GATAD2A: variants seen among roughly 807,000 people sequenced by gnomAD.
GATAD2A encodes the protein transcriptional repressor p66-alpha.
In GATAD2A, 12 loss-of-function variants were observed where a neutral mutation model predicts 68.5. The ratio of observed to expected loss-of-function variants is 0.18; its 90% CI spans 0.11 to 0.28. GATAD2A has a LOEUF of 0.28. GATAD2A is among the 10% of genes least tolerant of loss of function. The pLI, the probability that GATAD2A is intolerant of heterozygous loss-of-function variation, is 1.00. For synonymous variants in GATAD2A, 410 were observed against 375.3 expected (o/e 1.09, Z -1.07); for missense variants, 755 against 868.5 (o/e 0.87, Z 1.64).
intron 1 of GATAD2A, among the ~76,000 whole-genome samples, chr19:19,429,817 G>A (rs959377659): frequency 1.3e-5 from 2 of 152,000 alleles, no homozygotes; most frequent in African/African-American, 4.8e-5. Context: ...CCTCACGATT[G>A]GGTCTTGGTC....
intron 1 of GATAD2A, among the ~76,000 whole-genome samples, chr19:19,450,017 T>C (rs2056203037): frequency 1.3e-5 from 2 of 152,146 alleles, no homozygotes; most frequent in Admixed American, 1.3e-4. Context: ...CTTGAGCTCT[T>C]GTCCTCAAGA....
intron 5 of GATAD2A, 47 bp from the exon 6 acceptor site, chr19:19,495,707 T>TGG: frequency 6.5e-7 from 1 of 1,527,364 alleles, no homozygotes; most frequent in Non-Finnish European, 8.8e-7. Context: ...AAAAAAAGTG[T>TGG]GGGGGGGTCC....
intron 1 of GATAD2A, among the ~76,000 whole-genome samples, chr19:19,417,975 G>A (rs1444502924): frequency 2.6e-5 from 4 of 152,150 alleles, no homozygotes; most frequent in African/African-American, 7.2e-5. Flanking sequence ...GGGGAAACAG[G>A]GCAGGGTGTC....
chr19:19,458,077 C>G (rs2147919935), intron 1 of GATAD2A, among the ~76,000 whole-genome samples: 1 of 152,336 alleles, frequency 6.6e-6, no homozygotes, highest in East Asian at 1.9e-4. Flanking sequence ...ATCCTGATAA[C>G]ATGAGAGAGA....
intron 1 of GATAD2A, among the ~76,000 whole-genome samples, chr19:19,453,443 CAA>C (rs967943720): frequency 6.6e-6 from 1 of 152,172 alleles, no homozygotes; most frequent in Non-Finnish European, 1.5e-5. Context: ...TCTGACTTGT[CAA>C]AAGAGTTAAC....
At chr19:19,429,700 A>G (rs908312357) in intron 1 of GATAD2A, among the ~76,000 whole-genome samples, 1 of 151,844 alleles carries the variant, frequency 6.6e-6, no homozygotes, top group Non-Finnish European at 1.5e-5. Context: ...GGGGCCTACA[A>G]CATGTACTGG....
intron 1 of GATAD2A, among the ~76,000 whole-genome samples, chr19:19,396,580 A>T (rs982216888): frequency 6.6e-6 from 1 of 152,152 alleles, no homozygotes; most frequent in Non-Finnish European, 1.5e-5. Flanking sequence ...AGGAAACATG[A>T]TGGGGTAATT....
intron 5 of GATAD2A, among the ~76,000 whole-genome samples, chr19:19,494,849 G>A (rs559518880): frequency 2.6e-5 from 4 of 152,316 alleles, no homozygotes; most frequent in South Asian, 2.1e-4. Flanking sequence ...GCCGTGGGCC[G>A]GCCAGTGTCA....
chr19:19,402,496 G>T (rs1044850037), upstream of GATAD2A: 3 of 150,922 alleles, frequency 2.0e-5, no homozygotes, highest in African/African-American at 7.3e-5. Flanking sequence ...AGACCATCCT[G>T]GCCAACATGG....
At chr19:19,465,676 T>G in intron 2 of GATAD2A, 62 bp downstream of exon 2, 1 of 1,532,278 alleles carries the variant, frequency 6.5e-7, no homozygotes, top group Non-Finnish European at 8.8e-7. Context: ...GTGCCCAGGT[T>G]GGGGCTGGCC....
chr19:19,396,401 A>G (rs1448120236), intron 1 of GATAD2A, among the ~76,000 whole-genome samples: 1 of 152,198 alleles, frequency 6.6e-6, no homozygotes, highest in African/African-American at 2.4e-5. Flanking sequence ...ATACTGCCCA[A>G]GAACAAACCA....
intron 1 of GATAD2A, among the ~76,000 whole-genome samples, chr19:19,448,480 A>AGTTGTGTTGT (rs746137944): frequency 6.6e-6 from 1 of 152,120 alleles, no homozygotes; most frequent in Non-Finnish European, 1.5e-5. Context: ...AGCTATTGGT[A>AGTTGTGTTGT]GTTGTGTTGT....
upstream of GATAD2A, among the ~76,000 whole-genome samples, chr19:19,402,990 C>G (rs933283469): frequency 6.6e-6 from 1 of 151,988 alleles, no homozygotes; most frequent in Non-Finnish European, 1.5e-5. Context: ...CCACGATGGT[C>G]TGGAACTCCT....
rs10411169 is a variant in GATAD2A at position 19,507,485 on chromosome 19, G to C, written c.*2011G>C. 3 of 152,030 alleles carry C rather than the reference G, an allele frequency of 2.0e-5. No homozygotes were observed. Among genetic ancestry groups the C allele is most frequent in the African/African-American group, 7.2e-5 (3 of 41,404 alleles). The allele number at this position is 152,030 out of a possible 1,614,324, so 9.4% of individuals were successfully genotyped here. A position where few individuals can be genotyped will look rare whatever the true frequency, so the allele number is the denominator to read the frequency against. Reference sequence around the variant, plus strand: ...GTTCTATGCAGTGGCTGGGGATCAGGCATCCAGACCGAAGTCACCTCTGCC... The same window carrying C: ...GTTCTATGCAGTGGCTGGGGATCAGCCATCCAGACCGAAGTCACCTCTGCC... On this transcript the variant is annotated 3_prime_UTR_variant, in exon 12 of 12. Transcript: ENST00000683918.
chr19:19,461,935 C>G (rs1052577385), intron 1 of GATAD2A, among the ~76,000 whole-genome samples: 1 of 152,232 alleles, frequency 6.6e-6, no homozygotes. Context: ...TCTCAGCCCC[C>G]AGGACGGGGC....
chr19:19,438,156 A>C (rs1363228613), intron 1 of GATAD2A, among the ~76,000 whole-genome samples: 1 of 152,212 alleles, frequency 6.6e-6, no homozygotes, highest in Non-Finnish European at 1.5e-5. Flanking sequence ...GTTGTGCTGT[A>C]ACTACTATTT....
chr19:19,473,955 A>C (rs1484324792), intron 2 of GATAD2A: 36 of 773,164 alleles, frequency 4.7e-5, no homozygotes, highest in Non-Finnish European at 5.5e-5. Flanking sequence ...CAAAAAAACA[A>C]AAACAACACA....
At chr19:19,416,824 T>C (rs1568715461) in intron 1 of GATAD2A, among the ~76,000 whole-genome samples, 1 of 151,888 alleles carries the variant, frequency 6.6e-6, no homozygotes, top group South Asian at 2.1e-4. Context: ...GTGCAATGGC[T>C]CTATCTTGGC....
At chr19:19,451,940 G>C (rs1390383921) in intron 1 of GATAD2A, among the ~76,000 whole-genome samples, 1 of 152,212 alleles carries the variant, frequency 6.6e-6, no homozygotes, top group African/African-American at 2.4e-5. Flanking sequence ...ATGGACTCAA[G>C]TGAGCCTCCC....
Sources: gnomAD v4.1 joint callset for allele counts (sites outside exome capture counted in the v4.1 genomes callset) on GRCh38, gnomAD v4.1.1 for gene constraint, MANE v1.5 for transcripts, NCBI Gene and HGNC (gene_info 2026-07-23, HGNC 2026-07-21) for gene names.